The following UBXN4 variants were observed in gnomAD, a reference collection of about 807,000 sequenced individuals.
UBXN4 encodes the protein UBX domain-containing protein 4.
Under a neutral mutation model 66.2 loss-of-function variants are expected in UBXN4, and 35 were observed. That is an observed-to-expected ratio of 0.53 (90% confidence interval 0.40 to 0.70). The LOEUF is 0.70. Among genes scored for constraint, UBXN4 ranks in the 30% least tolerant of loss-of-function variants. The probability of loss-of-function intolerance (pLI) is 0.00; values close to 1 mark genes in which losing one functional copy is unlikely to be tolerated. For synonymous variants in UBXN4, 203 were observed against 204.5 expected (o/e 0.99, Z 0.06); for missense variants, 533 against 599.8 (o/e 0.89, Z 1.16).
intron 9 of UBXN4, among the ~76,000 whole-genome samples, chr2:135,773,283 C>T (rs2077394654): frequency 2.0e-5 from 3 of 152,152 alleles, no homozygotes; most frequent in Admixed American, 2.0e-4. Context: ...TACAATTTCT[C>T]TCTCTCTTTT....
chr2:135,755,749 T>C, intron 5 of UBXN4, 58 bp downstream of exon 5: 1 of 1,078,812 alleles, frequency 9.3e-7, no homozygotes, highest in Non-Finnish European at 1.2e-6. Flanking sequence ...CATTTTAATA[T>C]TTAAATATTA....
rs1007632924 is a variant in UBXN4, at chr2:135,776,194, T to A, written c.951-55T>A. ...TTCCATTTTCTCTAACTTAATGATA[T>A]TGTTAGAGAATATATAGAGGTGAAG... On this transcript the variant is annotated intron_variant, in intron 9 of 12. Transcript: ENST00000272638. 3.6e-6 allele frequency: 5 copies of A among 1,381,204 alleles called. 1 individual carries two copies. In the South Asian group the frequency reaches 6.1e-5, roughly 17 times the overall value. 85.6% of individuals were successfully genotyped at this position (1,381,204 alleles called of 1,614,324 possible).
At chr2:135,759,915 C>G (rs1265043393) in intron 5 of UBXN4, among the ~76,000 whole-genome samples, 2 of 151,696 alleles carry the variant, frequency 1.3e-5, no homozygotes, top group African/African-American at 4.8e-5. Context: ...ATTATAGGCA[C>G]CCGCAACCAT....
At chr2:135,778,289 TAA>T (rs549877657) in intron 10 of UBXN4, among the ~76,000 whole-genome samples, 14 of 144,046 alleles carry the variant, frequency 9.7e-5, no homozygotes, top group African/African-American at 1.0e-4. Context: ...TGATCTACAG[TAA>T]AAAAAAAAAA....
rs2077459543 is a variant in UBXN4, at chr2:135,782,992, A to G, written c.*105A>G. On this transcript the variant is annotated 3_prime_UTR_variant, in exon 13 of 13. Transcript: ENST00000272638. ...CTGCTTTATATTTTCCAACTGGTCT[A>G]TAAAATGTCTCTTTATTCCTGCTTA... 4 of 1,260,742 alleles carry G rather than the reference A, an allele frequency of 3.2e-6. No homozygotes were observed. The African/African-American group carries it at 4.5e-5, about 14-fold the overall frequency. The allele number at this position is 1,260,742 out of a possible 1,614,324, so 78.1% of individuals were successfully genotyped here. A position where few individuals can be genotyped will look rare whatever the true frequency, so the allele number is the denominator to read the frequency against.
chr2:135,757,548 G>A (rs1046600066), intron 5 of UBXN4, among the ~76,000 whole-genome samples: 3 of 152,114 alleles, frequency 2.0e-5, no homozygotes, highest in Non-Finnish European at 4.4e-5. Context: ...GGATTGGCTT[G>A]TGTTGATCAC....
chr2:135,767,294 G>C (rs2077354896), intron 6 of UBXN4, among the ~76,000 whole-genome samples: 1 of 152,162 alleles, frequency 6.6e-6, no homozygotes. Context: ...CCGGGAGGCA[G>C]AGGTTGCAGT....
intron 5 of UBXN4, among the ~76,000 whole-genome samples, chr2:135,757,249 CTT>C (rs2077283845): frequency 1.3e-5 from 2 of 152,118 alleles, no homozygotes; most frequent in South Asian, 4.1e-4. Context: ...TTCACTGACT[CTT>C]TATCATCTCC....
At position 135,783,587 on chromosome 2, in the gene UBXN4, A is replaced by G. The variant is rs1464790297; in HGVS notation, c.*700A>G. Reference sequence around the variant, plus strand: ...ACTGAAGAAAGAAATTTTCTGACACACTGATGGCATGTGACTTGTCTCCTA... The same window carrying G: ...ACTGAAGAAAGAAATTTTCTGACACGCTGATGGCATGTGACTTGTCTCCTA... On this transcript the variant is annotated 3_prime_UTR_variant, in exon 13 of 13. Transcript: ENST00000272638. 2 of 152,038 alleles carry G rather than the reference A, an allele frequency of 1.3e-5. No individual in the cohort carries two copies. Among genetic ancestry groups the G allele is most frequent in the Admixed American group, 6.6e-5 (1 of 15,258 alleles). The allele number at this position is 152,038 out of a possible 1,614,324, so 9.4% of individuals were successfully genotyped here.
chr2:135,747,993 TGTG>T, intron 1 of UBXN4: 1 of 338,220 alleles, frequency 3.0e-6, no homozygotes, highest in Non-Finnish European at 5.5e-6. Context: ...TGCTTATTAT[TGTG>T]GTACTTTGCG....
chr2:135,750,877 A>T, intron 2 of UBXN4, among the ~76,000 whole-genome samples: 1 of 88,028 alleles, frequency 1.1e-5, no homozygotes, highest in African/African-American at 5.1e-5. Flanking sequence ...TTTTTTTGAG[A>T]CGGAGTCTTG....
At chr2:135,750,835 C>CTTTTTTTTTTTTTTT (rs1166056661) in intron 2 of UBXN4, among the ~76,000 whole-genome samples, 1 of 77,438 alleles carries the variant, frequency 1.3e-5, no homozygotes, top group East Asian at 4.8e-4. Flanking sequence ...ATGTGTCTGG[C>CTTTTTTTTTTTTTTT]TTTTTTTTTT....
chr2:135,750,122 C>G (rs2077232870), intron 2 of UBXN4, among the ~76,000 whole-genome samples: 1 of 152,132 alleles, frequency 6.6e-6, no homozygotes, highest in Non-Finnish European at 1.5e-5. Context: ...TATCAGTGAT[C>G]ATTACCTAAA....
intron 2 of UBXN4, among the ~76,000 whole-genome samples, chr2:135,748,578 ATAAAATTAGGAGTGTGGTGTG>A (rs2077223497): frequency 6.6e-6 from 1 of 151,478 alleles, no homozygotes; most frequent in Non-Finnish European, 1.5e-5. Context: ...AAAAATAATA[ATAAAATTAGGAGTGTGGTGTG>A]TGCCTTTGGT....
intron 8 of UBXN4, 88 bp from the exon 9 acceptor site, chr2:135,772,332 A>C: frequency 6.6e-7 from 1 of 1,522,706 alleles, no homozygotes; most frequent in South Asian, 1.2e-5. Context: ...CTTAATAAAA[A>C]AAAAAAATTC....
chr2:135,754,168 T>C lies in UBXN4; in HGVS notation c.224T>C (p.Val75Ala). 6.2e-7 allele frequency: 1 copy of C among 1,612,862 alleles called. No individual in the cohort carries two copies. Among genetic ancestry groups the C allele is most frequent in the Non-Finnish European group, 8.5e-7 (1 of 1,178,862 alleles). Residue 75 changes from valine to alanine, a missense_variant, in exon 4 of 13, where the codon GTG becomes GCG. Physicochemically the swap from Val to Ala is moderately conservative, Grantham distance 64. Coordinates refer to ENST00000272638, the MANE Select transcript of UBXN4 (RefSeq NM_014607.4). ...CLQFSQIYPV[V>A]CVPSSFFIGD... The stretch of plus-strand genomic sequence containing the variant: ...TCATTAAACTGTACAGATCCTGTAG[T>C]GTGTGTTCCATCCAGTTTCTTTATT...
At chr2:135,756,559 G>A (rs571105561) in intron 5 of UBXN4, among the ~76,000 whole-genome samples, 35 of 152,186 alleles carry the variant, frequency 2.3e-4, no homozygotes, top group African/African-American at 7.0e-4. Flanking sequence ...GTTTTACATC[G>A]GATGGATCAT....
chr2:135,745,869 C>T (rs1322680961), intron 1 of UBXN4, among the ~76,000 whole-genome samples: 1 of 38,666 alleles, frequency 2.6e-5, no homozygotes, highest in African/African-American at 6.7e-5. Context: ...ATTCTAGTCC[C>T]GTTTACTTTT....
chr2:135,773,058 A>AAG (rs58373747), intron 9 of UBXN4, among the ~76,000 whole-genome samples: 1 of 150,452 alleles, frequency 6.6e-6, no homozygotes, highest in Non-Finnish European at 1.5e-5. Context: ...AAAAAAAAAA[A>AAG]GAGGGCCCAA....
Sources: allele counts gnomAD v4.1 joint callset (sites outside exome capture counted in the v4.1 genomes callset), GRCh38; gene constraint gnomAD v4.1.1; transcripts MANE v1.5; gene names NCBI Gene and HGNC (gene_info 2026-07-23, HGNC 2026-07-21).